The following FGD5 variants were observed in gnomAD, a reference collection of about 807,000 sequenced individuals.
The protein encoded by FGD5 is FYVE, RhoGEF and PH domain-containing protein 5.
Under a neutral mutation model 133.4 loss-of-function variants are expected in FGD5, and 28 were observed. The observed-to-expected ratio is 0.21, with a 90% CI of 0.16 to 0.29. The LOEUF is 0.29. FGD5 is among the 10% of genes least tolerant of loss of function. FGD5 has a pLI of 1.00. For missense variants in FGD5, 1,858 were observed against 1,895.2 expected (o/e 0.98, Z 0.36); for synonymous variants, 810 against 776.5 (o/e 1.04, Z -0.72).
chr3:14,915,495 C>T (rs1238739279), intron 11 of FGD5, among the ~76,000 whole-genome samples: 2 of 152,216 alleles, frequency 1.3e-5, no homozygotes, highest in African/African-American at 4.8e-5. Flanking sequence ...GTGTCCAGGG[C>T]TCACTCTGGT....
chr3:14,887,889 G>A (rs796777542), intron 4 of FGD5, among the ~76,000 whole-genome samples: 4 of 152,088 alleles, frequency 2.6e-5, no homozygotes, highest in African/African-American at 4.8e-5. Flanking sequence ...ATTTAGGCCC[G>A]GTATGGTGGC....
At chr3:14,843,703 T>TG (rs869097450) in intron 1 of FGD5, among the ~76,000 whole-genome samples, 13 of 124,024 alleles carry the variant, frequency 1.0e-4, no homozygotes, top group African/African-American at 3.9e-4. Flanking sequence ...TTTTTTTTTT[T>TG]GGGGGGAGAC....
intron 1 of FGD5, among the ~76,000 whole-genome samples, chr3:14,838,423 T>A (rs1010414165): frequency 1.3e-5 from 2 of 152,174 alleles, no homozygotes; most frequent in Non-Finnish European, 2.9e-5. Context: ...TATTTGTAGT[T>A]TCCAGGATTA....
chr3:14,926,077 C>T lies in FGD5; in HGVS notation c.4076C>T (p.Ala1359Val). 6.2e-7 allele frequency: 1 copy of T among 1,613,716 alleles called. No individual in the cohort carries two copies. The highest frequency in any genetic ancestry group is 8.5e-7 in the Non-Finnish European group (1 of 1,179,750). The change falls in exon 18 of 20, where the codon GCC (alanine) becomes GTC (valine). Residue 1359 changes from alanine (A) to valine (V), a missense_variant. Physicochemically the swap from Ala to Val is moderately conservative, Grantham distance 64. This residue lies in a region of FGD5 where 1,824 missense variants were observed against 1,848.9 expected (regional missense o/e 0.99). Transcript: ENST00000285046. ...CTGCTTCCCTCCTGCCAGGTGGCTG[C>T]CTCTGGAGAGGGCTCTGCCATCAGT... The part of the protein sequence containing the change: ...KVPSALTEVA[A>V]SGEGSAISGY...
At position 14,819,149 on chromosome 3, in the gene FGD5, C is replaced by T. The variant is rs777794142; in HGVS notation, c.78C>T (p.Tyr26=). 2.0e-5 allele frequency: 31 copies of T among 1,551,284 alleles called. No homozygotes were observed. The South Asian group carries it at 3.6e-4, about 18-fold the overall frequency. The change falls in exon 1 of 20, where the codon TAC becomes TAT. Residue 26 remains tyrosine (Y), a synonymous_variant. Coordinates refer to ENST00000285046, the MANE Select transcript of FGD5 (RefSeq NM_152536.4). This position sits in a 1 kb window ranked among gnomAD's most constrained non-coding sequence, Gnocchi z 4.1. ...CAAACGAGTGGAGAGCCAGTGTGTA[C>T]CTGAATGACAGCTTGAACAAATGCA... is the stretch of plus-strand genomic sequence containing the variant. ...TAPNEWRASV[Y]LNDSLNKCSN...
chr3:14,899,506 C>T (rs2038196656), intron 7 of FGD5, among the ~76,000 whole-genome samples: 1 of 152,200 alleles, frequency 6.6e-6, no homozygotes. Flanking sequence ...ACAGACAGTA[C>T]ATATGTAGGC....
intron 17 of FGD5, among the ~76,000 whole-genome samples, chr3:14,925,401 C>T (rs2125160182): frequency 6.6e-6 from 1 of 152,144 alleles, no homozygotes; most frequent in South Asian, 2.1e-4. Flanking sequence ...ATGTATAAAC[C>T]TCACATTTTT....
rs762612556 is a variant in FGD5, at chr3:14,821,414, C to G, written c.2343C>G (p.Asn781Lys). ...TSDYENIPAMNSDYENIQIPP... is the reference protein window; with the variant it reads ...TSDYENIPAMKSDYENIQIPP... ...ACTATGAGAACATTCCAGCCATGAACTCGGACTATGAGAATATCCAGATTC... is the reference window on the plus strand; with the variant it reads ...ACTATGAGAACATTCCAGCCATGAAGTCGGACTATGAGAATATCCAGATTC... The change falls in exon 1 of 20, where the codon AAC becomes AAG. Residue 781 changes from asparagine (N) to lysine (K), a missense_variant. Coordinates refer to ENST00000285046, the MANE Select transcript of FGD5 (RefSeq NM_152536.4). The G allele has an allele frequency of 6.2e-7, 1 of 1,614,034 alleles. No individual in the cohort carries two copies. The highest frequency in any genetic ancestry group is 1.1e-5 in the South Asian group (1 of 91,086).
At chr3:14,909,112 G>T (rs1008091932) in intron 10 of FGD5, among the ~76,000 whole-genome samples, 2 of 151,794 alleles carry the variant, frequency 1.3e-5, no homozygotes, top group Non-Finnish European at 2.9e-5. Context: ...GGGATTACAG[G>T]CATGTGCCAC....
chr3:14,917,428 C>G lies in FGD5; in HGVS notation c.3489+96C>G. On this transcript the variant is annotated intron_variant, in intron 12 of 19. Coordinates refer to ENST00000285046, the MANE Select transcript of FGD5 (RefSeq NM_152536.4). The surrounding 1 kb of genome is among the most constrained non-coding windows in gnomAD (Gnocchi z 4.1). Reference sequence around the variant, plus strand: ...CTGCTCCCAGGAGCACCCAGACCAGCTGGAAGAGGGAGGCCCTGCGGAAAC... The same window carrying G: ...CTGCTCCCAGGAGCACCCAGACCAGGTGGAAGAGGGAGGCCCTGCGGAAAC... The G allele has an allele frequency of 1.8e-6, 2 of 1,140,850 alleles. No individual in the cohort carries two copies. The highest frequency in any genetic ancestry group is 2.8e-5 in the South Asian group (2 of 70,282). The allele number at this position is 1,140,850 out of a possible 1,614,324, so 70.7% of individuals were successfully genotyped here. A position where few individuals can be genotyped will look rare whatever the true frequency, so the allele number is the denominator to read the frequency against.
At chr3:14,814,448 C>T (rs980515616), upstream of FGD5, among the ~76,000 whole-genome samples, 2 of 152,162 alleles carry the variant, frequency 1.3e-5, no homozygotes, top group African/African-American at 4.8e-5. Flanking sequence ...TAACATGATG[C>T]TGAGGTCAGG....
chr3:14,918,757 A>T lies in FGD5; in HGVS notation c.3493A>T (p.Ser1165Cys). The T allele has an allele frequency of 6.2e-7, 1 of 1,613,954 alleles. No homozygotes were observed. The highest frequency in any genetic ancestry group is 8.5e-7 in the Non-Finnish European group (1 of 1,179,870). The change falls in exon 13 of 20, where the codon AGC becomes TGC. Residue 1165 changes from serine to cysteine, a missense_variant. Around this residue, in one of 3 missense-constraint regions of FGD5, gnomAD observed 1,824 missense variants for 1,848.9 expected, o/e 0.99. Transcript: ENST00000285046. ...NTLAVANMKV[S>C]RPVMEKVPYA... is the part of the protein sequence containing the mutation. ...GAGGCTGCTGTTGGTTTTCCAGGTCAGCCGCCCTGTGATGGAGAAAGTGCC... is the reference window on the plus strand; with the variant it reads ...GAGGCTGCTGTTGGTTTTCCAGGTCTGCCGCCCTGTGATGGAGAAAGTGCC...
upstream of FGD5, among the ~76,000 whole-genome samples, chr3:14,814,859 C>G (rs546377768): frequency 6.6e-6 from 1 of 152,170 alleles, no homozygotes; most frequent in Non-Finnish European, 1.5e-5. Flanking sequence ...TTTCTAGTTG[C>G]GCAGACTCAA....
chr3:14,841,973 C>T (rs1206145166), intron 1 of FGD5, among the ~76,000 whole-genome samples: 2 of 152,248 alleles, frequency 1.3e-5, no homozygotes, highest in African/African-American at 2.4e-5. Context: ...CTCGGCACAA[C>T]GCTGTGCCTG....
chr3:14,897,792 G>A, intron 5 of FGD5, 123 bp downstream of exon 5: 2 of 1,455,506 alleles, frequency 1.4e-6, no homozygotes, highest in Non-Finnish European at 1.8e-6. Context: ...ACTCCGAAGT[G>A]TTAAGTCATT....
chr3:14,904,505 G>GGGGTGT (rs1553630566), intron 9 of FGD5, among the ~76,000 whole-genome samples: 1 of 150,848 alleles, frequency 6.6e-6, no homozygotes, highest in Non-Finnish European at 1.5e-5. Flanking sequence ...TAGATTTCAG[G>GGGGTGT]GTGTGTGTGT....
In FGD5 at chr3:14,880,604, A is replaced by G. The variant is rs758774857; in HGVS notation, c.2691A>G (p.Ala897=). 5.6e-6 allele frequency: 9 copies of G among 1,613,956 alleles called. No homozygotes were observed. The East Asian group carries it at 2.0e-4, about 36-fold the overall frequency. The part of the protein sequence containing the change: ...VEGQSRALVI[A]QELLSSEKAY... ...GACAGTCCAGAGCCCTTGTCATCGCACAGGAACTGCTATCTTCAGAGAAAG... is the reference window on the plus strand; with the variant it reads ...GACAGTCCAGAGCCCTTGTCATCGCGCAGGAACTGCTATCTTCAGAGAAAG... The change falls in exon 3 of 20, where the codon GCA becomes GCG. Residue 897 remains alanine, a synonymous_variant. Coordinates refer to ENST00000285046, the MANE Select transcript of FGD5 (RefSeq NM_152536.4).
intron 1 of FGD5, among the ~76,000 whole-genome samples, chr3:14,826,797 T>C (rs1053171925): frequency 6.6e-6 from 1 of 152,176 alleles, no homozygotes; most frequent in Non-Finnish European, 1.5e-5. Context: ...CAACGACTGT[T>C]CTGCATGGGT....
At chr3:14,870,723 C>G (rs2037590898) in intron 2 of FGD5, among the ~76,000 whole-genome samples, 1 of 152,186 alleles carries the variant, frequency 6.6e-6, no homozygotes, top group Non-Finnish European at 1.5e-5. Flanking sequence ...TGGCCTGACC[C>G]CAGACTTGAG....
Sources: allele counts gnomAD v4.1 joint callset (sites outside exome capture counted in the v4.1 genomes callset), GRCh38; gene constraint gnomAD v4.1.1; regional missense constraint gnomAD v4.1.1; non-coding constraint Gnocchi (gnomAD v3.1); transcripts MANE v1.5; gene names NCBI Gene and HGNC (gene_info 2026-07-23, HGNC 2026-07-21).